The following LRRC4C variants were observed in gnomAD, a reference collection of about 807,000 sequenced individuals.
LRRC4C encodes leucine-rich repeat-containing protein 4C.
Under a neutral mutation model 33.6 loss-of-function variants are expected in LRRC4C, and 5 were observed. That is an observed-to-expected ratio of 0.15 (90% CI 0.08 to 0.31). LRRC4C has a LOEUF of 0.31. Ranked by LOEUF, LRRC4C falls within the 10% of genes least tolerant of loss-of-function variation. LRRC4C has a pLI of 1.00. For synonymous variants in LRRC4C, 329 were observed against 302.0 expected (o/e 1.09, Z -0.93); for missense variants, 560 against 796.7 (o/e 0.70, Z 3.58).
At chr11:41,097,847 T>A (rs1940911668) in intron 1 of LRRC4C, among the ~76,000 whole-genome samples, 1 of 152,166 alleles carries the variant, frequency 6.6e-6, no homozygotes, top group African/African-American at 2.4e-5. Context: ...GCCATGGTCA[T>A]GCCTCACATC....
chr11:40,597,860 A>G (rs1959522653), intron 3 of LRRC4C, among the ~76,000 whole-genome samples: 1 of 152,204 alleles, frequency 6.6e-6, no homozygotes, highest in African/African-American at 2.4e-5. Context: ...CAGTAACATG[A>G]GGAAAGTTGG....
At chr11:40,420,482 G>A (rs149121450) in intron 3 of LRRC4C, among the ~76,000 whole-genome samples, 11 of 151,948 alleles carry the variant, frequency 7.2e-5, no homozygotes, top group South Asian at 4.2e-4. Flanking sequence ...CATTCTTCCC[G>A]TCTTGCTCTG....
At chr11:41,286,354 G>A (rs958996623) in intron 1 of LRRC4C, among the ~76,000 whole-genome samples, 13 of 151,910 alleles carry the variant, frequency 8.6e-5, no homozygotes, top group South Asian at 4.2e-4. Context: ...TCAAATCTCC[G>A]GGACTCAACA....
chr11:40,868,782 A>G (rs1001485695), intron 2 of LRRC4C, among the ~76,000 whole-genome samples: 1 of 152,218 alleles, frequency 6.6e-6, no homozygotes, highest in Non-Finnish European at 1.5e-5. Context: ...GAAAGAATTC[A>G]AAACTATGTT....
At chr11:40,188,795 A>G (rs2135583285) in intron 5 of LRRC4C, among the ~76,000 whole-genome samples, 1 of 148,742 alleles carries the variant, frequency 6.7e-6, no homozygotes, top group African/African-American at 2.4e-5. Flanking sequence ...AAGAGGCTTT[A>G]AAGTAGACCT....
intron 3 of LRRC4C, among the ~76,000 whole-genome samples, chr11:40,523,750 T>G (rs1955923352): frequency 6.6e-6 from 1 of 152,044 alleles, no homozygotes; most frequent in Non-Finnish European, 1.5e-5. Flanking sequence ...CAATTCTCCC[T>G]TTGGAAAGAG....
intron 3 of LRRC4C, among the ~76,000 whole-genome samples, chr11:40,403,081 A>G (rs761301599): frequency 6.5e-4 from 99 of 152,186 alleles, no homozygotes; most frequent in Non-Finnish European, 1.1e-3. Flanking sequence ...TTCCCACTCT[A>G]TGACATGACC....
At chr11:40,726,577 T>G (rs1345513879) in intron 2 of LRRC4C, among the ~76,000 whole-genome samples, 1 of 152,120 alleles carries the variant, frequency 6.6e-6, no homozygotes, top group Non-Finnish European at 1.5e-5. Flanking sequence ...TTAAAAACCC[T>G]TAACAAACTA....
chr11:41,453,102 T>C (rs1956076268), intron 1 of LRRC4C, among the ~76,000 whole-genome samples: 1 of 152,074 alleles, frequency 6.6e-6, no homozygotes, highest in South Asian at 2.1e-4. Context: ...AGACATAACA[T>C]ATTGGGACAT....
At chr11:41,390,743 A>G (rs1451964592) in intron 1 of LRRC4C, among the ~76,000 whole-genome samples, 1 of 151,776 alleles carries the variant, frequency 6.6e-6, no homozygotes, top group Non-Finnish European at 1.5e-5. Flanking sequence ...AGCACTTTCT[A>G]CCATCAAAAT....
chr11:40,794,235 C>A (rs1178641721), intron 2 of LRRC4C, among the ~76,000 whole-genome samples: 2 of 151,910 alleles, frequency 1.3e-5, no homozygotes, highest in Non-Finnish European at 2.9e-5. Context: ...CAGAAAAGGA[C>A]AAGCAATACA....
chr11:40,408,436 T>C (rs1017476881), intron 3 of LRRC4C, among the ~76,000 whole-genome samples: 15 of 151,978 alleles, frequency 9.9e-5, no homozygotes, highest in African/African-American at 3.6e-4. Context: ...TTATCTTTTT[T>C]TTAACCAAGT....
intron 3 of LRRC4C, among the ~76,000 whole-genome samples, chr11:40,544,313 G>C (rs72885150): frequency 0.11 from 16,441 of 151,964 alleles, 1,914 homozygotes; most frequent in African/African-American, 0.29. Context: ...TGAGGCTAAG[G>C]CATTTGGGAT....
intron 2 of LRRC4C, among the ~76,000 whole-genome samples, chr11:40,933,364 A>T (rs1361637727): frequency 1.3e-5 from 2 of 152,256 alleles, no homozygotes; most frequent in African/African-American, 2.4e-5. Context: ...GGCCCATGCC[A>T]TGTATCCAGC....
intron 3 of LRRC4C, among the ~76,000 whole-genome samples, chr11:40,349,850 T>C (rs1947308360): frequency 6.6e-6 from 1 of 152,138 alleles, no homozygotes; most frequent in Admixed American, 6.6e-5. Flanking sequence ...TTTATACACT[T>C]GTTTGCCATT....
intron 3 of LRRC4C, among the ~76,000 whole-genome samples, chr11:40,536,459 T>C (rs1321048512): frequency 6.6e-6 from 1 of 152,222 alleles, no homozygotes; most frequent in Non-Finnish European, 1.5e-5. Context: ...CCCAAAGTGC[T>C]GGGATTACAG....
intron 2 of LRRC4C, among the ~76,000 whole-genome samples, chr11:40,757,862 G>T (rs1949026942): frequency 6.6e-6 from 1 of 151,946 alleles, no homozygotes; most frequent in Admixed American, 6.6e-5. Flanking sequence ...TTACATTCTA[G>T]GTCAAGAATT....
intron 1 of LRRC4C, among the ~76,000 whole-genome samples, chr11:40,981,968 C>A (rs1220190197): frequency 1.3e-5 from 2 of 152,130 alleles, no homozygotes; most frequent in African/African-American, 4.8e-5. Context: ...ATTTTCCTAA[C>A]ACATCTTCTT....
chr11:40,364,243 CA>C (rs1023184800), intron 3 of LRRC4C, among the ~76,000 whole-genome samples: 2 of 151,670 alleles, frequency 1.3e-5, no homozygotes, highest in African/African-American at 4.8e-5. Flanking sequence ...CTAAAACAAA[CA>C]AAAAAATCAG....
Sources: gnomAD v4.1 joint callset for allele counts (sites outside exome capture counted in the v4.1 genomes callset) on GRCh38, gnomAD v4.1.1 for gene constraint, MANE v1.5 for transcripts, NCBI Gene and HGNC (gene_info 2026-07-23, HGNC 2026-07-21) for gene names.